Variants in SEMA3E observed in about 807,000 individuals in gnomAD.
SEMA3E encodes semaphorin 3E.
A neutral mutation model predicts 93.6 loss-of-function variants in SEMA3E; 49 were observed. The observed-to-expected ratio is 0.52, with a 90% CI of 0.42 to 0.66. SEMA3E has a LOEUF of 0.66. Ranked by LOEUF, SEMA3E falls within the 30% of genes least tolerant of loss-of-function variation. The pLI is 0.00. For missense variants in SEMA3E, 906 were observed against 964.8 expected (o/e 0.94, Z 0.81); for synonymous variants, 363 against 330.7 (o/e 1.10, Z -1.06).
At chr7:83,414,765 G>A (rs1269324201) in intron 5 of SEMA3E, among the ~76,000 whole-genome samples, 1 of 151,928 alleles carries the variant, frequency 6.6e-6, no homozygotes, top group Non-Finnish European at 1.5e-5. Context: ...GTTTCAAAAG[G>A]TACATGACAA....
intron 1 of SEMA3E, among the ~76,000 whole-genome samples, chr7:83,495,063 C>T (rs1416292411): frequency 6.6e-6 from 1 of 151,874 alleles, no homozygotes; most frequent in East Asian, 1.9e-4. Flanking sequence ...TATCCATGAA[C>T]AAATTTATAA....
At chr7:83,473,440 C>T (rs1436061327) in intron 2 of SEMA3E, among the ~76,000 whole-genome samples, 2 of 152,200 alleles carry the variant, frequency 1.3e-5, no homozygotes, top group South Asian at 2.1e-4. Flanking sequence ...TTCCTCTATC[C>T]ATCACCATCC....
chr7:83,519,768 G>A (rs1421331032), intron 1 of SEMA3E, among the ~76,000 whole-genome samples: 1 of 152,032 alleles, frequency 6.6e-6, no homozygotes, highest in African/African-American at 2.4e-5. Context: ...ATAGAACCTG[G>A]CATAAACAAT....
intron 1 of SEMA3E, among the ~76,000 whole-genome samples, chr7:83,491,501 CA>C (rs1296873990): frequency 1.1e-4 from 16 of 151,928 alleles, no homozygotes; most frequent in African/African-American, 3.9e-4. Context: ...CTGCTAAAAT[CA>C]ATGTATCCCT....
chr7:83,619,194 G>A (rs983342470), intron 1 of SEMA3E, among the ~76,000 whole-genome samples: 3 of 151,354 alleles, frequency 2.0e-5, no homozygotes, highest in Admixed American at 6.6e-5. Flanking sequence ...ACAACTTTTA[G>A]TAGTTATTAT....
chr7:83,427,401 T>C (rs1179313473), intron 4 of SEMA3E, among the ~76,000 whole-genome samples: 1 of 152,154 alleles, frequency 6.6e-6, no homozygotes, highest in Non-Finnish European at 1.5e-5. Flanking sequence ...CAGGAAGATA[T>C]ATTGATCCAA....
At chr7:83,485,587 A>G (rs1474862861) in intron 2 of SEMA3E, among the ~76,000 whole-genome samples, 5 of 152,174 alleles carry the variant, frequency 3.3e-5, no homozygotes, top group Non-Finnish European at 5.9e-5. Context: ...GCAACACACC[A>G]TCGTATATGA....
intron 1 of SEMA3E, among the ~76,000 whole-genome samples, chr7:83,498,485 CTT>C (rs879793625): frequency 2.2e-5 from 3 of 135,742 alleles, no homozygotes; most frequent in African/African-American, 2.6e-5. Flanking sequence ...GGCACATTCA[CTT>C]TTTTTTTTTT....
intron 4 of SEMA3E, among the ~76,000 whole-genome samples, chr7:83,446,242 G>A (rs1789225698): frequency 6.6e-6 from 1 of 152,104 alleles, no homozygotes; most frequent in Admixed American, 6.6e-5. Context: ...TAGCAACTTG[G>A]ACAATGCCAA....
At chr7:83,638,354 C>T (rs1029326453) in intron 1 of SEMA3E, among the ~76,000 whole-genome samples, 10 of 152,070 alleles carry the variant, frequency 6.6e-5, no homozygotes, top group Admixed American at 5.2e-4. Context: ...AAGTGGTAAG[C>T]GACATCTAAT....
At position 83,367,751 on chromosome 7, in the gene SEMA3E, G is replaced by A. The variant is rs1372290689; in HGVS notation, c.2163C>T (p.Asn721=). Residue 721 remains asparagine, a synonymous_variant, in exon 17 of 17, where the codon AAC becomes AAT. Transcript: ENST00000643230. ...CGCAGTATTCTTCCACTCTCTGGAAGTTGCTATAACCGATCAGCTGCAAGA... is the reference window on the plus strand; with the variant it reads ...CGCAGTATTCTTCCACTCTCTGGAAATTGCTATAACCGATCAGCTGCAAGA... ...KEFLQLIGYS[N]FQRVEEYCEK... The A allele has an allele frequency of 6.2e-7, 1 of 1,613,952 alleles. No individual in the cohort carries two copies. The highest frequency in any genetic ancestry group is 8.5e-7 in the Non-Finnish European group (1 of 1,180,028).
intron 14 of SEMA3E, among the ~76,000 whole-genome samples, chr7:83,390,399 C>A (rs1489251351): frequency 6.6e-6 from 1 of 151,818 alleles, no homozygotes; most frequent in African/African-American, 2.4e-5. Flanking sequence ...TTAAAGAGAA[C>A]ACTGGAAATA....
intron 1 of SEMA3E, among the ~76,000 whole-genome samples, chr7:83,591,961 T>A (rs954089574): frequency 1.3e-5 from 2 of 152,070 alleles, no homozygotes; most frequent in African/African-American, 4.8e-5. Flanking sequence ...CTAGCTTGCA[T>A]ATATAGTCAT....
intron 14 of SEMA3E, among the ~76,000 whole-genome samples, chr7:83,390,024 TGTATACGTATACACATATATGCGC>T (rs1787974559): frequency 5.5e-5 from 8 of 146,200 alleles, no homozygotes; most frequent in African/African-American, 2.0e-4. Context: ...CGCGTATATG[TGTATACGTATACACATATATGCGC>T]GTATACGTGT....
intron 1 of SEMA3E, among the ~76,000 whole-genome samples, chr7:83,625,202 A>C (rs1241749869): frequency 6.6e-6 from 1 of 152,172 alleles, no homozygotes; most frequent in East Asian, 1.9e-4. Flanking sequence ...TGTCTTGGCT[A>C]TATGGGCTCT....
rs527997503 is a variant in SEMA3E at position 83,635,923 on chromosome 7, G to GA, written c.115+12504dup. 4.0e-5 allele frequency among the ~76,000 whole-genome samples: 6 copies of GA among 148,280 alleles called. No individual in the cohort carries two copies. The East Asian group carries it at 5.9e-4, about 15-fold the overall frequency. On this transcript the variant is annotated intron_variant, in intron 1 of 16. Coordinates refer to ENST00000643230, the MANE Select transcript of SEMA3E (RefSeq NM_012431.3). ...TTGCTTTGGTCAATTGGGCCTTTCT[G>GA]AAAAAAAACAAAGATGGGTAAATTA...
intron 4 of SEMA3E, among the ~76,000 whole-genome samples, chr7:83,440,002 T>C (rs1372005910): frequency 2.0e-5 from 3 of 152,196 alleles, no homozygotes; most frequent in Non-Finnish European, 4.4e-5. Flanking sequence ...ACTTCACCAC[T>C]CTGTGCACAG....
In SEMA3E at chr7:83,367,522, A is replaced by AT. The variant is rs921703379; in HGVS notation, c.*63dup. 1.3e-5 allele frequency: 20 copies of AT among 1,534,996 alleles called. No individual in the cohort carries two copies. The Admixed American group carries it at 3.0e-4, about 23-fold the overall frequency. Reference sequence around the variant, plus strand: ...GTAATGCAAAGAAGTTGGATGATTTATTTTTTTACTTTTTTACTTTCCAAA... The same window carrying AT: ...GTAATGCAAAGAAGTTGGATGATTTATTTTTTTTACTTTTTTACTTTCCAAA... On this transcript the variant is annotated 3_prime_UTR_variant, in exon 17 of 17. Transcript: ENST00000643230.
chr7:83,416,027 CCTG>C (rs1233094596), intron 5 of SEMA3E, among the ~76,000 whole-genome samples: 14 of 152,012 alleles, frequency 9.2e-5, no homozygotes, highest in Admixed American at 9.2e-4. Flanking sequence ...AGCCCACATT[CCTG>C]CTGCTTTTTC....
Sources: allele counts gnomAD v4.1 joint callset (sites outside exome capture counted in the v4.1 genomes callset), GRCh38; gene constraint gnomAD v4.1.1; transcripts MANE v1.5; gene names NCBI Gene and HGNC (gene_info 2026-07-23, HGNC 2026-07-21).